The following SHISA9 variants were observed in gnomAD, a reference collection of about 807,000 sequenced individuals.
SHISA9 encodes shisa family member 9.
Under a neutral mutation model 38.0 loss-of-function variants are expected in SHISA9, and 13 were observed. The observed-to-expected ratio is 0.34, with a 90% CI of 0.22 to 0.54. SHISA9 has a LOEUF of 0.54. Among genes scored for constraint, SHISA9 ranks in the 20% least tolerant of loss-of-function variants. The probability of loss-of-function intolerance (pLI) is 0.91; values close to 1 mark genes in which losing one functional copy is unlikely to be tolerated. For synonymous variants in SHISA9, 275 were observed against 242.0 expected, an observed-to-expected ratio of 1.14 and a Z score of -1.27; for missense variants, 538 against 575.8, an observed-to-expected ratio of 0.93 and a Z score of 0.67.
intron 2 of SHISA9, among the ~76,000 whole-genome samples, chr16:13,187,386 G>A (rs1358816022): frequency 7.2e-6 from 1 of 138,822 alleles, no homozygotes; most frequent in Admixed American, 7.9e-5. Flanking sequence ...CCAGGCTGGA[G>A]TGCAGTGGCA....
chr16:13,380,013 A>G, the SHISA9 span, among the ~76,000 whole-genome samples: 1 of 151,972 alleles, frequency 6.6e-6, no homozygotes, highest in Admixed American at 6.6e-5. Flanking sequence ...ATTTTAAAGA[A>G]TTAAATAAGC....
chr16:13,478,071 G>A, the SHISA9 span, among the ~76,000 whole-genome samples: 1 of 152,178 alleles, frequency 6.6e-6, no homozygotes, highest in Non-Finnish European at 1.5e-5. Flanking sequence ...TTGTTTGAGC[G>A]ACATCGCATT....
At chr16:13,433,928 G>C in the SHISA9 span, among the ~76,000 whole-genome samples, 2 of 152,200 alleles carry the variant, frequency 1.3e-5, no homozygotes, top group Non-Finnish European at 2.9e-5. Context: ...TAGGATAGAT[G>C]TATGTATGAA....
the SHISA9 span, among the ~76,000 whole-genome samples, chr16:13,418,680 G>A: frequency 6.6e-6 from 1 of 152,176 alleles, no homozygotes; most frequent in Non-Finnish European, 1.5e-5. Flanking sequence ...GGCCCAGATG[G>A]CAAAGCAGCA....
Position 12,916,719 on chromosome 16 carries a change from C to T in SHISA9, c.595C>T (p.His199Tyr). The change falls in exon 2 of 5, where the codon CAC (histidine) becomes TAC (tyrosine). Residue 199 changes from histidine to tyrosine, a missense_variant. Coordinates refer to ENST00000558583, the MANE Select transcript of SHISA9 (RefSeq NM_001145204.3). ...ALADVMRPQGHCNTDHMERDL... is the reference protein window; with the variant it reads ...ALADVMRPQGYCNTDHMERDL... ...TGCGGATGTCATGAGACCACAGGGC[C>T]ACTGCAACACTGATCACATGGAGAG... The T allele has an allele frequency of 6.4e-7, 1 of 1,551,582 alleles. No individual in the cohort carries two copies. The highest frequency in any genetic ancestry group is 8.7e-7 in the Non-Finnish European group (1 of 1,146,880).
intron 2 of SHISA9, among the ~76,000 whole-genome samples, chr16:13,048,793 G>T (rs2073216046): frequency 6.6e-6 from 1 of 152,158 alleles, no homozygotes; most frequent in Non-Finnish European, 1.5e-5. Flanking sequence ...TCTAAGACAA[G>T]CTTTGGACTT....
At chr16:13,373,898 G>A in the SHISA9 span, among the ~76,000 whole-genome samples, 1 of 152,194 alleles carries the variant, frequency 6.6e-6, no homozygotes, top group Non-Finnish European at 1.5e-5. Context: ...ACGTTCATAT[G>A]GTCACAGGTT....
the SHISA9 span, among the ~76,000 whole-genome samples, chr16:13,432,921 G>A: frequency 1.3e-5 from 2 of 152,154 alleles, no homozygotes; most frequent in Admixed American, 6.5e-5. Flanking sequence ...TCGGAGGGTG[G>A]AGGGTGAGAG....
chr16:12,927,466 AC>A (rs2071405591), intron 2 of SHISA9, among the ~76,000 whole-genome samples: 1 of 152,148 alleles, frequency 6.6e-6, no homozygotes, highest in Non-Finnish European at 1.5e-5. Flanking sequence ...TGGTGAGATC[AC>A]AGCTCACTGC....
chr16:13,267,052 A>G, the SHISA9 span, among the ~76,000 whole-genome samples: 1 of 152,222 alleles, frequency 6.6e-6, no homozygotes, highest in Non-Finnish European at 1.5e-5. Context: ...CTTTGGGTGG[A>G]TAAAATCACA....
At chr16:13,003,456 T>C (rs2072551322) in intron 2 of SHISA9, among the ~76,000 whole-genome samples, 1 of 152,220 alleles carries the variant, frequency 6.6e-6, no homozygotes, top group Non-Finnish European at 1.5e-5. Context: ...AAGAATTAGT[T>C]GTTTTGGCCA....
At chr16:13,020,836 G>A (rs1335358756) in intron 2 of SHISA9, among the ~76,000 whole-genome samples, 1 of 152,206 alleles carries the variant, frequency 6.6e-6, no homozygotes, top group African/African-American at 2.4e-5. Flanking sequence ...TGTATTCAGG[G>A]TGTAAATTGG....
the SHISA9 span, among the ~76,000 whole-genome samples, chr16:13,408,781 C>T: frequency 6.6e-6 from 1 of 152,186 alleles, no homozygotes; most frequent in South Asian, 2.1e-4. Flanking sequence ...CACCCCCAGT[C>T]CTGCTGTTGA....
At chr16:13,116,241 C>T (rs994069220) in intron 2 of SHISA9, among the ~76,000 whole-genome samples, 1 of 152,190 alleles carries the variant, frequency 6.6e-6, no homozygotes, top group Non-Finnish European at 1.5e-5. Flanking sequence ...ACGGTGGATT[C>T]TACCTGGCAT....
At chr16:13,486,228 G>C in the SHISA9 span, among the ~76,000 whole-genome samples, 1 of 152,124 alleles carries the variant, frequency 6.6e-6, no homozygotes, top group East Asian at 1.9e-4. Flanking sequence ...GCTTTCACAT[G>C]GACCAGCGAA....
chr16:13,524,649 C>T, the SHISA9 span, among the ~76,000 whole-genome samples: 2 of 152,154 alleles, frequency 1.3e-5, no homozygotes, highest in Non-Finnish European at 2.9e-5. Flanking sequence ...GCCTCAAACT[C>T]CTGGGCTCAA....
chr16:13,486,062 C>T, the SHISA9 span, among the ~76,000 whole-genome samples: 527 of 152,262 alleles, frequency 3.5e-3, no homozygotes, highest in Non-Finnish European at 6.0e-3. Context: ...GAGGGTTACC[C>T]TAGAGGCTTC....
chr16:13,291,000 G>A, the SHISA9 span, among the ~76,000 whole-genome samples: 1 of 152,214 alleles, frequency 6.6e-6, no homozygotes, highest in East Asian at 1.9e-4. Flanking sequence ...GAAGAGAGTT[G>A]CAGTACTGAA....
chr16:13,409,068 G>A, the SHISA9 span, among the ~76,000 whole-genome samples: 1 of 152,188 alleles, frequency 6.6e-6, no homozygotes, highest in African/African-American at 2.4e-5. Flanking sequence ...ACCAGATGAG[G>A]AGACAAGCAG....
Sources: gnomAD v4.1 joint callset for allele counts (sites outside exome capture counted in the v4.1 genomes callset) on GRCh38, gnomAD v4.1.1 for gene constraint, MANE v1.5 for transcripts, NCBI Gene and HGNC (gene_info 2026-07-23, HGNC 2026-07-21) for gene names.